Variants in CD33 observed in about 807,000 individuals in gnomAD.
CD33 encodes CD33 molecule, also known as myeloid cell surface antigen CD33.
A neutral mutation model predicts 31.4 loss-of-function variants in CD33; 25 were observed. The ratio of observed to expected loss-of-function variants is 0.80; its 90% CI spans 0.58 to 1.11. CD33 has a LOEUF of 1.11. Ranked by LOEUF, CD33 falls within the 50% of genes most tolerant of loss-of-function variation. CD33 has a pLI of 0.00. For missense variants in CD33, 407 were observed against 448.1 expected, an observed-to-expected ratio of 0.91 and a Z score of 0.83; for synonymous variants, 176 against 180.6, an observed-to-expected ratio of 0.97 and a Z score of 0.20.
upstream of CD33, among the ~76,000 whole-genome samples, chr19:51,220,820 G>A (rs1980654122): frequency 6.6e-6 from 1 of 152,098 alleles, no homozygotes; most frequent in South Asian, 2.1e-4. Flanking sequence ...TTTCCGTCCT[G>A]ACACACTAGT....
Position 51,226,051 on chromosome 19 carries a change from A to G in CD33, c.667A>G (p.Thr223Ala). 2 of 1,614,080 alleles carry G rather than the reference A, an allele frequency of 1.2e-6. No individual in the cohort carries two copies. Among genetic ancestry groups the G allele is most frequent in the Non-Finnish European group, 1.7e-6 (2 of 1,179,968 alleles). Reference sequence around the variant, plus strand: ...GAAGTTCGCTGGAGCTGGTGTGACTACGGAGAGAACCATCCAGCTCAACGT... The same window carrying G: ...GAAGTTCGCTGGAGCTGGTGTGACTGCGGAGAGAACCATCCAGCTCAACGT... ...QVKFAGAGVT[T>A]ERTIQLNVTY... is the part of the protein sequence containing the mutation. Residue 223 changes from threonine to alanine, a missense_variant, in exon 3 of 7, where the codon ACG (threonine) becomes GCG (alanine). Physicochemically the swap from Thr to Ala is moderately conservative, Grantham distance 58. Coordinates refer to ENST00000262262, the MANE Select transcript of CD33 (RefSeq NM_001772.4).
At chr19:51,215,386 A>G in the CD33 span, among the ~76,000 whole-genome samples, 1 of 152,076 alleles carries the variant, frequency 6.6e-6, no homozygotes, top group Non-Finnish European at 1.5e-5. Flanking sequence ...CACATTTTCT[A>G]TCAGCCCCTT....
chr19:51,226,272 A>G, intron 3 of CD33, 37 bp from the exon 4 acceptor site: 2 of 1,600,160 alleles, frequency 1.2e-6, no homozygotes, highest in Non-Finnish European at 1.7e-6. Context: ...TCTCATCTCT[A>G]CCCCCAACTG....
chr19:51,217,778 T>C, the CD33 span, among the ~76,000 whole-genome samples: 1 of 152,244 alleles, frequency 6.6e-6, no homozygotes, highest in African/African-American at 2.4e-5. Flanking sequence ...ACTACACTTA[T>C]ACATGAGAAC....
chr19:51,217,040 G>A, the CD33 span, among the ~76,000 whole-genome samples: 3 of 152,188 alleles, frequency 2.0e-5, no homozygotes, highest in African/African-American at 7.2e-5. Flanking sequence ...AAAGGACACT[G>A]CAGACCACCT....
chr19:51,238,694 G>T (rs1352844241), intron 6 of CD33: 3 of 152,246 alleles, frequency 2.0e-5, no homozygotes, highest in Non-Finnish European at 4.4e-5. Flanking sequence ...GCTGGAGGAA[G>T]ATCTCTTGAC....
At chr19:51,216,255 T>A in the CD33 span, among the ~76,000 whole-genome samples, 1 of 151,510 alleles carries the variant, frequency 6.6e-6, no homozygotes, top group Non-Finnish European at 1.5e-5. Flanking sequence ...TGTGTGTGTG[T>A]GTGTGTGTGT....
chr19:51,228,884 G>A (rs1015273761), intron 4 of CD33, among the ~76,000 whole-genome samples: 67 of 152,214 alleles, frequency 4.4e-4, no homozygotes, highest in African/African-American at 1.4e-3. Context: ...CAGTTTGGAT[G>A]GTTTTTATTT....
chr19:51,223,225 A>G (rs922697561), upstream of CD33, among the ~76,000 whole-genome samples: 1 of 152,210 alleles, frequency 6.6e-6, no homozygotes, highest in East Asian at 1.9e-4. Context: ...GTCTTAAAAA[A>G]AAAAGCACTA....
intron 4 of CD33, among the ~76,000 whole-genome samples, chr19:51,232,190 C>A (rs1206252689): frequency 6.6e-6 from 1 of 152,134 alleles, no homozygotes; most frequent in African/African-American, 2.4e-5. Flanking sequence ...GTATTTTTGA[C>A]TGTTAAGTTT....
chr19:51,214,008 T>C, the CD33 span, among the ~76,000 whole-genome samples: 4 of 151,092 alleles, frequency 2.6e-5, no homozygotes, highest in East Asian at 1.9e-4. Flanking sequence ...TACAGGCATG[T>C]ACCACCACGC....
intron 6 of CD33, chr19:51,236,018 T>C: frequency 3.5e-6 from 2 of 571,650 alleles, no homozygotes; most frequent in African/African-American, 1.9e-5. Context: ...ATTAGCCAGA[T>C]GTGGTGGCTG....
the CD33 span, among the ~76,000 whole-genome samples, chr19:51,213,068 G>A: frequency 6.6e-5 from 10 of 152,160 alleles, no homozygotes; most frequent in African/African-American, 1.7e-4. Flanking sequence ...TAGCTTAGAC[G>A]TTCTTTTTAA....
chr19:51,225,339 C>G lies in CD33; in HGVS notation c.159C>G (p.Asn53Lys). The G allele has an allele frequency of 6.2e-7, 1 of 1,614,204 alleles. No individual in the cohort carries two copies. Among genetic ancestry groups the G allele is most frequent in the Non-Finnish European group, 8.5e-7 (1 of 1,180,040 alleles). Residue 53 changes from asparagine to lysine, a missense_variant, in exon 2 of 7, where the codon AAC becomes AAG. Coordinates refer to ENST00000262262, the MANE Select transcript of CD33 (RefSeq NM_001772.4). ...ATCCCATACCCTACTACGACAAGAA[C>G]TCCCCAGTTCATGGTTACTGGTTCC... ...FFHPIPYYDK[N>K]SPVHGYWFRE... is the part of the protein sequence containing the mutation.
At chr19:51,220,089 T>C (rs1374633178), upstream of CD33, among the ~76,000 whole-genome samples, 3 of 152,148 alleles carry the variant, frequency 2.0e-5, no homozygotes, top group East Asian at 5.8e-4. Context: ...GGGAGAGTTA[T>C]TCTTTGTACA....
chr19:51,224,024 A>T (rs1980815656), upstream of CD33, among the ~76,000 whole-genome samples: 1 of 152,222 alleles, frequency 6.6e-6, no homozygotes, highest in Admixed American at 6.5e-5. Flanking sequence ...GAATTAAAGA[A>T]AGAGGAAAGA....
At chr19:51,218,850 T>C in the CD33 span, among the ~76,000 whole-genome samples, 2 of 152,198 alleles carry the variant, frequency 1.3e-5, no homozygotes, top group Non-Finnish European at 2.9e-5. Flanking sequence ...ATGGCTTTAT[T>C]TCTGGGTTCT....
chr19:51,224,940 G>T, upstream of CD33: 1 of 757,706 alleles, frequency 1.3e-6, no homozygotes, highest in South Asian at 1.6e-5. Flanking sequence ...TGGCCCATGA[G>T]GGTCAATCTG....
chr19:51,232,664 T>C (rs569678284), intron 4 of CD33, among the ~76,000 whole-genome samples: 2 of 152,354 alleles, frequency 1.3e-5, no homozygotes, highest in South Asian at 4.1e-4. Flanking sequence ...TATTTTTTCT[T>C]CTTGACCTAG....
Sources: allele counts gnomAD v4.1 joint callset (sites outside exome capture counted in the v4.1 genomes callset), GRCh38; gene constraint gnomAD v4.1.1; transcripts MANE v1.5; gene names NCBI Gene and HGNC (gene_info 2026-07-23, HGNC 2026-07-21).